Variants in RGS2 observed in about 807,000 individuals in gnomAD.
The protein encoded by RGS2 is G0 to G1 switch regulatory 8, 24kD.
Under a neutral mutation model 26.6 loss-of-function variants are expected in RGS2, and 20 were observed. The ratio of observed to expected loss-of-function variants is 0.75; its 90% confidence interval spans 0.53 to 1.09. The LOEUF is 1.09. RGS2 is among the 50% of genes least tolerant of loss of function. The pLI is 0.00. For missense variants in RGS2, 246 were observed against 245.5 expected, an observed-to-expected ratio of 1.00 and a Z score of -0.01; for synonymous variants, 97 against 79.9, an observed-to-expected ratio of 1.21 and a Z score of -1.14.
chr1:192,810,198 T>G lies in RGS2; in HGVS notation c.143T>G (p.Phe48Cys), dbSNP rs747343810. ...LKDWKTRLSY[F>C]LQNSSTPGKP... ...GATTGGAAGACCCGTTTGAGCTACT[T>G]CTTACAAAATTCCTCTACTCCTGGG... is the stretch of plus-strand genomic sequence containing the variant. The change falls in exon 2 of 5, where the codon TTC becomes TGC. Residue 48 changes from phenylalanine to cysteine, a missense_variant. Transcript: ENST00000235382. 6.2e-7 allele frequency: 1 copy of G among 1,613,390 alleles called. No individual in the cohort carries two copies. The highest frequency in any genetic ancestry group is 1.3e-5 in the African/African-American group (1 of 74,912).
At chr1:192,810,320 A>G (rs888035075) in intron 2 of RGS2, 50 bp from the exon 3 acceptor site, 3 of 1,606,672 alleles carry the variant, frequency 1.9e-6, no homozygotes, top group Non-Finnish European at 2.6e-6. Flanking sequence ...GCTGAACTGA[A>G]AAGGGGAACT....
chr1:192,810,524 G>A (rs908884402), intron 3 of RGS2, 93 bp downstream of exon 3: 3 of 1,068,590 alleles, frequency 2.8e-6, no homozygotes, highest in Non-Finnish European at 2.9e-6. Flanking sequence ...GCCTGAGGGG[G>A]ATTAGACTGC....
At position 192,809,140 on chromosome 1, in the gene RGS2, C is replaced by A; in HGVS notation, c.69C>A (p.Gly23=). Residue 23 remains glycine, a synonymous_variant, in exon 1 of 5, where the codon GGC becomes GGA. Transcript: ENST00000235382. ...CRPMDKSAGS[G]HKSEEKREKM... The stretch of plus-strand genomic sequence containing the variant: ...CCATGGACAAGAGCGCAGGCAGTGG[C>A]CACAAGAGCGAGGAGAAGCGAGAAA... 1 of 1,613,792 alleles carries A rather than the reference C, an allele frequency of 6.2e-7. No individual in the cohort carries two copies.
chr1:192,810,019 A>T (rs1665558301), intron 1 of RGS2, 147 bp from the exon 2 acceptor site: 1 of 665,420 alleles, frequency 1.5e-6, no homozygotes. Flanking sequence ...TGTTAGGTGG[A>T]TAAGACTTAT....
intron 4 of RGS2, 47 bp downstream of exon 4, chr1:192,811,194 C>T: frequency 6.3e-7 from 1 of 1,590,962 alleles, no homozygotes; most frequent in Non-Finnish European, 8.6e-7. Context: ...ACATCTTTAG[C>T]ACAAAAGTGA....
chr1:192,810,404 G>GC lies in RGS2; in HGVS notation c.248dup (p.Phe84IlefsTer2). On this transcript the variant is annotated frameshift_variant, in exon 3 of 5. Coordinates refer to ENST00000235382, the MANE Select transcript of RGS2 (RefSeq NM_002923.4). LOFTEE classifies it high-confidence loss of function. ...TGAGGAAGCACAGCTGTGGTCAGAA[G>GC]CATTTGACGAGCTGCTAGCCAGCAA... 2 of 1,614,198 alleles carry GC rather than the reference G, an allele frequency of 1.2e-6. No individual in the cohort carries two copies. Among genetic ancestry groups the GC allele is most frequent in the Non-Finnish European group, 1.7e-6 (2 of 1,180,030 alleles).
intron 3 of RGS2, 22 bp from the exon 4 acceptor site, chr1:192,810,959 C>T: frequency 1.2e-6 from 1 of 859,482 alleles, no homozygotes. Flanking sequence ...ATTCTGCATG[C>T]TCTCTTTTCT....
rs1034415952 is a variant in RGS2, at chr1:192,810,381, A to C, written c.224A>C (p.Glu75Ala). The change falls in exon 3 of 5, where the codon GAG becomes GCG. Residue 75 changes from glutamate to alanine, a missense_variant. Coordinates refer to ENST00000235382, the MANE Select transcript of RGS2 (RefSeq NM_002923.4). Reference protein sequence around the residue: ...KQQAFIKPSPEEAQLWSEAFD... With the variant: ...KQQAFIKPSPAEAQLWSEAFD... The stretch of plus-strand genomic sequence containing the variant: ...AACCTCTCTTGCAGGCCTTCTCCTG[A>C]GGAAGCACAGCTGTGGTCAGAAGCA... 2.5e-6 allele frequency: 4 copies of C among 1,614,112 alleles called. No homozygotes were observed. In the African/African-American group the frequency reaches 5.3e-5, roughly 22 times the overall value.
At chr1:192,810,322 AGGG>A in intron 2 of RGS2, 45 bp from the exon 3 acceptor site, 1 of 1,606,444 alleles carries the variant, frequency 6.2e-7, no homozygotes. Context: ...TGAACTGAAA[AGGG>A]GAACTCTGAT....
intron 1 of RGS2, chr1:192,809,465 C>A (rs1665551062): frequency 2.2e-6 from 1 of 449,106 alleles, no homozygotes; most frequent in Non-Finnish European, 4.2e-6. Context: ...CAGAATCCTG[C>A]GGCTGAAGCG....
intron 4 of RGS2, 87 bp downstream of exon 4, chr1:192,811,234 G>A: frequency 1.3e-6 from 2 of 1,524,094 alleles, no homozygotes; most frequent in East Asian, 4.5e-5. Context: ...AAGCGGGCTA[G>A]GAGGGGTAAA....
chr1:192,810,820 C>T, intron 3 of RGS2, 161 bp from the exon 4 acceptor site: 1 of 798,676 alleles, frequency 1.3e-6, no homozygotes, highest in Non-Finnish European at 2.1e-6. Context: ...CTACTGGTAT[C>T]TTAGTCTTTA....
chr1:192,810,528 A>C (rs1665574993), intron 3 of RGS2, 97 bp downstream of exon 3: 10 of 1,019,772 alleles, frequency 9.8e-6, no homozygotes, highest in Non-Finnish European at 1.4e-5. Context: ...GAGGGGGATT[A>C]GACTGCAGTC....
At position 192,811,276 on chromosome 1, in the gene RGS2, T is replaced by G. The variant is rs559718177; in HGVS notation, c.442-126T>G. 66 of 1,323,674 alleles carry G rather than the reference T, an allele frequency of 5.0e-5. No individual in the cohort carries two copies. In the African/African-American group the frequency reaches 8.9e-4, roughly 18 times the overall value. The allele number at this position is 1,323,674 out of a possible 1,614,324, so 82.0% of individuals were successfully genotyped here. A position where few individuals can be genotyped will look rare whatever the true frequency, so the allele number is the denominator to read the frequency against. ...CTCCACGTTGTAGCTTTCAGTTATG[T>G]TAAAGTTCTCCTGTGACTTAGCTAG... On this transcript the variant is annotated intron_variant, in intron 4 of 4. Transcript: ENST00000235382.
At position 192,811,898 on chromosome 1, in the gene RGS2, G is replaced by C; in HGVS notation, c.*302G>C. On this transcript the variant is annotated 3_prime_UTR_variant, in exon 5 of 5. Transcript: ENST00000235382. ...ATGAAAGAGACAATGTAATACTGTTGGTCCAAAAGCATTTAAAATCAATAG... is the reference window on the plus strand; with the variant it reads ...ATGAAAGAGACAATGTAATACTGTTCGTCCAAAAGCATTTAAAATCAATAG... The C allele has an allele frequency of 4.9e-6, 2 of 410,446 alleles. No homozygotes were observed. The highest frequency in any genetic ancestry group is 9.1e-6 in the Non-Finnish European group (2 of 219,888). 25.4% of individuals were successfully genotyped at this position (410,446 alleles called of 1,614,324 possible).
rs149228054 is a variant in RGS2 at position 192,811,021 on chromosome 1, C to A, written c.315C>A (p.Phe105Leu). The stretch of plus-strand genomic sequence containing the variant: ...TCAGGGCTTTTTTAAAGTCGGAATT[C>A]TGTGAAGAAAATATTGAATTCTGGC... ...AAFRAFLKSE[F>L]CEENIEFWLA... The change falls in exon 4 of 5, where the codon TTC becomes TTA. Residue 105 changes from phenylalanine to leucine, a missense_variant. Transcript: ENST00000235382. The A allele has an allele frequency of 1.2e-6, 2 of 1,613,972 alleles. No individual in the cohort carries two copies. The highest frequency in any genetic ancestry group is 2.7e-5 in the African/African-American group (2 of 74,902).
Position 192,811,534 on chromosome 1 carries a change from T to A in RGS2, c.574T>A (p.Ser192Thr). The A allele has an allele frequency of 6.2e-7, 1 of 1,614,054 alleles. No homozygotes were observed. Among genetic ancestry groups the A allele is most frequent in the Non-Finnish European group, 8.5e-7 (1 of 1,179,986 alleles). Reference protein sequence around the residue: ...ENNSYPRFLESEFYQDLCKKP... With the variant: ...ENNSYPRFLETEFYQDLCKKP... ...CAACTCTTATCCTCGTTTCTTGGAG[T>A]CAGAATTCTACCAGGACTTGTGTAA... The change falls in exon 5 of 5, where the codon TCA becomes ACA. Residue 192 changes from serine (S) to threonine (T), a missense_variant. Ser to Thr is a moderately conservative substitution (Grantham distance 58). Coordinates refer to ENST00000235382, the MANE Select transcript of RGS2 (RefSeq NM_002923.4).
chr1:192,810,222 G>A lies in RGS2; in HGVS notation c.167G>A (p.Gly56Glu). 6.2e-7 allele frequency: 1 copy of A among 1,614,058 alleles called. No homozygotes were observed. Among genetic ancestry groups the A allele is most frequent in the Non-Finnish European group, 8.5e-7 (1 of 1,179,926 alleles). Reference protein sequence around the residue: ...SYFLQNSSTPGKPKTGKKSKQ... With the variant: ...SYFLQNSSTPEKPKTGKKSKQ... ...TTCTTACAAAATTCCTCTACTCCTG[G>A]GAAGCCCAAAACCGGCAAAAAAAGC... Residue 56 changes from glycine to glutamate, a missense_variant, in exon 2 of 5, where the codon GGG becomes GAG. Transcript: ENST00000235382.
chr1:192,810,236 G>A lies in RGS2; in HGVS notation c.181G>A (p.Gly61Ser). The A allele has an allele frequency of 1.2e-6, 2 of 1,613,886 alleles. No homozygotes were observed. The highest frequency in any genetic ancestry group is 1.1e-5 in the South Asian group (1 of 91,074). Reference protein sequence around the residue: ...NSSTPGKPKTGKKSKQQAFIK... With the variant: ...NSSTPGKPKTSKKSKQQAFIK... ...CTCTACTCCTGGGAAGCCCAAAACCGGCAAAAAAAGCAAACAGCAAGCTTT... is the reference window on the plus strand; with the variant it reads ...CTCTACTCCTGGGAAGCCCAAAACCAGCAAAAAAAGCAAACAGCAAGCTTT... The change falls in exon 2 of 5, where the codon GGC becomes AGC. Residue 61 changes from glycine (G) to serine (S), a missense_variant. By Grantham distance (56) the Gly-to-Ser change is moderately conservative. Transcript: ENST00000235382.
Sources: allele counts gnomAD v4.1 joint callset, GRCh38; gene constraint gnomAD v4.1.1; transcripts MANE v1.5; gene names NCBI Gene and HGNC (gene_info 2026-07-23, HGNC 2026-07-21).